The following SLC12A6 variants were observed in gnomAD, a reference collection of about 807,000 sequenced individuals.
SLC12A6 encodes K-Cl cotransporter 3.
A neutral mutation model predicts 135.3 loss-of-function variants in SLC12A6; 66 were observed. The observed-to-expected ratio is 0.49, with a 90% CI of 0.40 to 0.60. The LOEUF is 0.60. Among genes scored for constraint, SLC12A6 ranks in the 20% least tolerant of loss-of-function variants. The probability of loss-of-function intolerance (pLI) is 0.00; values close to 1 mark genes in which losing one functional copy is unlikely to be tolerated. For missense variants in SLC12A6, 1,058 were observed against 1,452.3 expected (o/e 0.73, Z 4.41); for synonymous variants, 513 against 508.8 (o/e 1.01, Z -0.11).
intron 18 of SLC12A6, 71 bp from the exon 19 acceptor site, chr15:34,240,900 T>C: frequency 8.6e-7 from 1 of 1,163,406 alleles, no homozygotes. Context: ...AATGACAGAC[T>C]CCACCCTTTA....
At chr15:34,243,744 T>C (rs1201934329) in intron 16 of SLC12A6, among the ~76,000 whole-genome samples, 1 of 152,226 alleles carries the variant, frequency 6.6e-6, no homozygotes, top group Non-Finnish European at 1.5e-5. Context: ...GCTGGATATC[T>C]CTATTTAGTG....
At chr15:34,263,634 T>C (rs994800309) in intron 3 of SLC12A6, among the ~76,000 whole-genome samples, 3 of 151,806 alleles carry the variant, frequency 2.0e-5, no homozygotes, top group African/African-American at 7.3e-5. Context: ...AGTTATATAA[T>C]TACAGAGTCT....
chr15:34,328,025 T>C (rs549282918), intron 2 of SLC12A6, among the ~76,000 whole-genome samples: 2 of 151,620 alleles, frequency 1.3e-5, no homozygotes, highest in South Asian at 4.2e-4. Context: ...GTAATAAAAC[T>C]ACAAACAAAA....
intron 9 of SLC12A6, among the ~76,000 whole-genome samples, chr15:34,252,708 T>C (rs1892477392): frequency 6.6e-6 from 1 of 152,198 alleles, no homozygotes. Flanking sequence ...TCATAGGTGG[T>C]GGCAGTGAAG....
intron 24 of SLC12A6, among the ~76,000 whole-genome samples, chr15:34,235,800 A>C (rs963463871): frequency 1.3e-5 from 2 of 152,200 alleles, no homozygotes; most frequent in Non-Finnish European, 2.9e-5. Context: ...CTTATTTTAT[A>C]GTAAGAACAC....
At chr15:34,256,865 T>A in intron 6 of SLC12A6, among the ~76,000 whole-genome samples, 1 of 152,138 alleles carries the variant, frequency 6.6e-6, no homozygotes, top group Admixed American at 6.5e-5. Flanking sequence ...GTGTAAAAGA[T>A]TTCAGAGAAT....
chr15:34,326,008 A>T (rs771635207), intron 2 of SLC12A6, among the ~76,000 whole-genome samples: 1 of 152,206 alleles, frequency 6.6e-6, no homozygotes, highest in Non-Finnish European at 1.5e-5. Flanking sequence ...TCACTAGAGG[A>T]AAGAATAGAG....
At chr15:34,287,142 A>AC (rs897666340) in intron 2 of SLC12A6, among the ~76,000 whole-genome samples, 2 of 149,730 alleles carry the variant, frequency 1.3e-5, no homozygotes, top group African/African-American at 2.5e-5. Flanking sequence ...TCCCTTCCCT[A>AC]CCCCCCCGGG....
chr15:34,245,433 G>A (rs759650947), intron 14 of SLC12A6, 30 bp from the exon 15 acceptor site: 3 of 1,222,702 alleles, frequency 2.5e-6, no homozygotes, highest in African/African-American at 3.0e-5. Context: ...ATCAGGCACA[G>A]GAGTACTGAG....
intron 4 of SLC12A6, among the ~76,000 whole-genome samples, chr15:34,260,553 C>T (rs930900993): frequency 6.6e-6 from 1 of 152,178 alleles, no homozygotes; most frequent in East Asian, 1.9e-4. Flanking sequence ...CCACCGCGCC[C>T]GGCCTTGTTT....
rs371336054 is a variant in SLC12A6 at position 34,245,939 on chromosome 15, C to A, written c.1650-72G>T. 2.2e-5 allele frequency: 27 copies of A among 1,245,748 alleles called. No individual in the cohort carries two copies. In the South Asian group the frequency reaches 2.4e-4, roughly 11 times the overall value. The allele number at this position is 1,245,748 out of a possible 1,614,324, so 77.2% of individuals were successfully genotyped here. On this transcript the variant is annotated intron_variant, in intron 13 of 25. Coordinates refer to ENST00000354181, the MANE Select transcript of SLC12A6 (RefSeq NM_001365088.1). ...GACTGAAAGACTAGAGATATTCACC[C>A]AATTTTTTTTTGAGACAGAATCTCA...
At chr15:34,270,840 A>C (rs560378097) in intron 3 of SLC12A6, among the ~76,000 whole-genome samples, 4,092 of 151,610 alleles carry the variant, frequency 0.027, 194 homozygotes, top group African/African-American at 0.094. Flanking sequence ...ACAAAAAAAA[A>C]AAAAAGAGAG....
chr15:34,239,193 G>A (rs1318635977), intron 19 of SLC12A6, 33 bp from the exon 20 acceptor site: 3 of 1,461,384 alleles, frequency 2.1e-6, no homozygotes, highest in African/African-American at 1.4e-5. Context: ...ACACTGAACT[G>A]GTTCACTCTG....
At chr15:34,302,820 G>A (rs1896348029) in intron 2 of SLC12A6, among the ~76,000 whole-genome samples, 1 of 151,692 alleles carries the variant, frequency 6.6e-6, no homozygotes, top group African/African-American at 2.4e-5. Context: ...CGTAGTAGTG[G>A]ATGTCTATAG....
intron 2 of SLC12A6, among the ~76,000 whole-genome samples, 176 bp downstream of exon 2, chr15:34,336,234 A>ACG (rs1400918391): frequency 1.3e-5 from 2 of 152,194 alleles, no homozygotes; most frequent in Non-Finnish European, 2.9e-5. Context: ...ACTACTGCAA[A>ACG]GAGCCACTAT....
At chr15:34,293,524 G>A (rs563432016) in intron 2 of SLC12A6, among the ~76,000 whole-genome samples, 181 of 152,292 alleles carry the variant, frequency 1.2e-3, no homozygotes, top group Middle Eastern at 6.8e-3. Flanking sequence ...GGCTGGTCTC[G>A]AAATCCCGAC....
At chr15:34,240,057 G>A (rs957893027) in intron 19 of SLC12A6, among the ~76,000 whole-genome samples, 14 of 151,596 alleles carry the variant, frequency 9.2e-5, no homozygotes, top group Admixed American at 3.9e-4. Flanking sequence ...CCATTAACTC[G>A]TCATTTACAT....
At chr15:34,292,751 G>A (rs1412842465) in intron 2 of SLC12A6, among the ~76,000 whole-genome samples, 1 of 152,138 alleles carries the variant, frequency 6.6e-6, no homozygotes, top group Non-Finnish European at 1.5e-5. Context: ...AAGCTCCCAC[G>A]TCCCAGGTCA....
At chr15:34,240,433 A>AC (rs1426738621) in intron 19 of SLC12A6, among the ~76,000 whole-genome samples, 3 of 152,174 alleles carry the variant, frequency 2.0e-5, no homozygotes, top group African/African-American at 7.2e-5. Context: ...TAAGGTTTAG[A>AC]CTTAATAATC....
Sources: allele counts gnomAD v4.1 joint callset (sites outside exome capture counted in the v4.1 genomes callset), GRCh38; gene constraint gnomAD v4.1.1; transcripts MANE v1.5; gene names NCBI Gene and HGNC (gene_info 2026-07-23, HGNC 2026-07-21).